Variants in IL1RAPL2 observed in about 807,000 individuals in gnomAD.
The protein encoded by IL1RAPL2 is X-linked interleukin-1 receptor accessory protein-like 2.
In IL1RAPL2, 3 loss-of-function variants were observed where a neutral mutation model predicts 44.1. The observed-to-expected ratio is 0.07, with a 90% confidence interval of 0.03 to 0.18. IL1RAPL2 has a LOEUF of 0.18. Among genes scored for constraint, IL1RAPL2 ranks in the 10% least tolerant of loss-of-function variants. IL1RAPL2 has a pLI of 1.00. For synonymous variants in IL1RAPL2, 181 were observed against 178.8 expected, an observed-to-expected ratio of 1.01 and a Z score of -0.10; for missense variants, 391 against 496.4, an observed-to-expected ratio of 0.79 and a Z score of 2.02.
chrX:104,921,517 CCT>C (rs927912641), intron 2 of IL1RAPL2, among the ~76,000 whole-genome samples: 7 of 112,456 alleles, frequency 6.2e-5, no homozygotes, highest in African/African-American at 1.9e-4. Context: ...AGTTCACCCC[CCT>C]GTCACATGTG....
At chrX:105,298,780 A>G (rs2034673911) in intron 5 of IL1RAPL2, among the ~76,000 whole-genome samples, 2 of 110,700 alleles carry the variant, frequency 1.8e-5, no homozygotes, top group Admixed American at 9.8e-5. Flanking sequence ...ATTAGGTGAA[A>G]GAAATACCAG....
At chrX:104,624,704 A>T (rs1929466131) in intron 1 of IL1RAPL2, among the ~76,000 whole-genome samples, 1 of 112,173 alleles carries the variant, frequency 8.9e-6, no homozygotes, top group East Asian at 2.8e-4. Context: ...TTACATATAC[A>T]TATACATACA....
chrX:105,211,506 C>T (rs1025453996), intron 3 of IL1RAPL2, among the ~76,000 whole-genome samples: 1 of 111,314 alleles, frequency 9.0e-6, no homozygotes, highest in African/African-American at 3.3e-5. Context: ...TCACTCAGAT[C>T]ATGAATGAAC....
intron 8 of IL1RAPL2, among the ~76,000 whole-genome samples, chrX:105,743,891 TTTTTC>T (rs1316948656): frequency 5.3e-5 from 6 of 112,178 alleles, no homozygotes; most frequent in African/African-American, 1.6e-4. Flanking sequence ...CTAAATGCAT[TTTTTC>T]TTTTCAAGTA....
chrX:104,676,464 G>A (rs1930760396), intron 2 of IL1RAPL2, among the ~76,000 whole-genome samples: 3 of 112,148 alleles, frequency 2.7e-5, no homozygotes, highest in South Asian at 7.5e-4. Context: ...TCTGCTGAGA[G>A]ATCCACTGTT....
intron 5 of IL1RAPL2, among the ~76,000 whole-genome samples, chrX:105,377,412 G>C: frequency 1.8e-5 from 2 of 109,137 alleles, no homozygotes; most frequent in Middle Eastern, 4.7e-3. Flanking sequence ...GTGTGTGAGA[G>C]AGAGAGAGAG....
intron 1 of IL1RAPL2, among the ~76,000 whole-genome samples, chrX:104,570,461 G>A (rs111982972): frequency 0.054 from 6,058 of 111,530 alleles, 402 homozygotes; most frequent in African/African-American, 0.18. Context: ...AGGCTGAGGC[G>A]GGAGGATCAC....
intron 6 of IL1RAPL2, among the ~76,000 whole-genome samples, chrX:105,662,826 A>T (rs1602508053): frequency 8.9e-6 from 1 of 111,904 alleles, no homozygotes; most frequent in East Asian, 2.8e-4. Context: ...GATCTTGAAG[A>T]CCTAGTCAAG....
At chrX:104,677,838 G>T (rs953599979) in intron 2 of IL1RAPL2, among the ~76,000 whole-genome samples, 1 of 112,019 alleles carries the variant, frequency 8.9e-6, no homozygotes, top group Non-Finnish European at 1.9e-5. Flanking sequence ...CGCGGTATTC[G>T]GGTGGGAGTG....
intron 2 of IL1RAPL2, among the ~76,000 whole-genome samples, chrX:104,988,951 A>T (rs753896808): frequency 1.2e-4 from 13 of 111,985 alleles, no homozygotes; most frequent in African/African-American, 3.2e-4. Flanking sequence ...AAAGTGAATT[A>T]CATTTCTCAT....
chrX:105,173,263 T>C (rs2033441040), intron 2 of IL1RAPL2, among the ~76,000 whole-genome samples: 1 of 112,132 alleles, frequency 8.9e-6, no homozygotes, highest in East Asian at 2.8e-4. Context: ...CTCACTCATG[T>C]CTCAGTCACA....
intron 2 of IL1RAPL2, among the ~76,000 whole-genome samples, chrX:105,098,853 T>G (rs1299406371): frequency 9.0e-6 from 1 of 111,703 alleles, no homozygotes; most frequent in East Asian, 2.9e-4. Context: ...GGCAAAAATC[T>G]ATGGGATAAG....
Position 104,893,532 on chromosome X carries a change from C to T in IL1RAPL2, c.82+234537C>T, listed in dbSNP as rs149406536. ...CTTCTTGTTGAATTGATCCCTTTAC[C>T]ATTATGTAATGGTCTTCTTTGTCTC... On this transcript the variant is annotated intron_variant, in intron 2 of 10. Transcript: ENST00000372582. Among the ~76,000 whole-genome samples, 974 of 111,473 alleles carry T rather than the reference C, an allele frequency of 8.7e-3. 4 individuals are homozygous for T. Among genetic ancestry groups the T allele is most frequent in the Non-Finnish European group, 0.012 (628 of 53,068 alleles).
intron 2 of IL1RAPL2, among the ~76,000 whole-genome samples, chrX:104,981,810 C>T (rs1437405579): frequency 9.0e-6 from 1 of 111,116 alleles, no homozygotes; most frequent in African/African-American, 3.3e-5. Context: ...TTATTGAAAG[C>T]CTTTTCTGCA....
At chrX:105,318,560 A>G (rs1201047064) in intron 5 of IL1RAPL2, among the ~76,000 whole-genome samples, 1 of 111,247 alleles carries the variant, frequency 9.0e-6, no homozygotes. Context: ...CCAAACAGAG[A>G]CAAGAATAAG....
intron 6 of IL1RAPL2, among the ~76,000 whole-genome samples, chrX:105,564,666 G>T (rs2036962313): frequency 9.0e-6 from 1 of 111,721 alleles, no homozygotes; most frequent in African/African-American, 3.3e-5. Context: ...AGAAGTGTTA[G>T]CAAAGAAAGC....
chrX:104,760,295 C>A (rs753560645), intron 2 of IL1RAPL2, among the ~76,000 whole-genome samples: 7 of 111,954 alleles, frequency 6.3e-5, no homozygotes, highest in Non-Finnish European at 1.3e-4. Context: ...TAGGTATATA[C>A]CCAGCAGTGG....
intron 1 of IL1RAPL2, among the ~76,000 whole-genome samples, chrX:104,592,145 ATGTGTG>A (rs35940205): frequency 0.057 from 3,422 of 60,131 alleles, 124 homozygotes; most frequent in East Asian, 0.15. Flanking sequence ...ATGCCCGTAT[ATGTGTG>A]TGTGTGTGTG....
At chrX:105,361,332 A>T (rs2035246138) in intron 5 of IL1RAPL2, among the ~76,000 whole-genome samples, 1 of 111,327 alleles carries the variant, frequency 9.0e-6, no homozygotes, top group Admixed American at 9.7e-5. Flanking sequence ...TGCGAACTTG[A>T]CTTTAAAGTG....
Sources: gnomAD v4.1 joint callset for allele counts (sites outside exome capture counted in the v4.1 genomes callset) on GRCh38, gnomAD v4.1.1 for gene constraint, MANE v1.5 for transcripts, NCBI Gene and HGNC (gene_info 2026-07-23, HGNC 2026-07-21) for gene names.